The following MOV10 variants were observed in gnomAD, a reference collection of about 807,000 sequenced individuals.
MOV10 encodes the protein Mov10 RNA helicase, also known as RNA helicase MOV-10.
A neutral mutation model predicts 108.4 loss-of-function variants in MOV10; 39 were observed. That is an observed-to-expected ratio of 0.36 (90% CI 0.28 to 0.47). The LOEUF (loss-of-function observed/expected upper bound fraction) is 0.47, where lower values mean the gene tolerates loss of function less well. Ranked by LOEUF, MOV10 falls within the 20% of genes least tolerant of loss-of-function variation. The pLI, the probability that MOV10 is intolerant of heterozygous loss-of-function variation, is 1.00. For synonymous variants in MOV10, 490 were observed against 523.1 expected, an observed-to-expected ratio of 0.94 and a Z score of 0.86; for missense variants, 952 against 1,297.6, an observed-to-expected ratio of 0.73 and a Z score of 4.09.
intron 2 of MOV10, among the ~76,000 whole-genome samples, chr1:112,678,651 A>G (rs2101248335): frequency 6.6e-6 from 1 of 152,166 alleles, no homozygotes; most frequent in Admixed American, 6.5e-5. Flanking sequence ...GTAAAGGGCA[A>G]GGGTAGAGTG....
chr1:112,680,466 C>G (rs986983499), intron 2 of MOV10, among the ~76,000 whole-genome samples: 3 of 151,682 alleles, frequency 2.0e-5, no homozygotes, highest in African/African-American at 7.3e-5. Flanking sequence ...ACCATCCTGG[C>G]TAACACGGTG....
intron 5 of MOV10, among the ~76,000 whole-genome samples, chr1:112,690,576 T>A (rs1051514213): frequency 6.6e-6 from 1 of 152,082 alleles, no homozygotes; most frequent in African/African-American, 2.4e-5. Flanking sequence ...GCCAGGCTGG[T>A]CTCGAACTCC....
intron 2 of MOV10, among the ~76,000 whole-genome samples, chr1:112,680,918 G>T (rs1218534188): frequency 6.6e-6 from 1 of 151,480 alleles, no homozygotes; most frequent in African/African-American, 2.4e-5. Flanking sequence ...GGTCAGGCTG[G>T]TCTTGAATTC....
At chr1:112,699,398 A>G (rs551281138) in intron 17 of MOV10, 158 of 1,133,914 alleles carry the variant, frequency 1.4e-4, no homozygotes, top group Non-Finnish European at 1.7e-4. Context: ...TTTTCAGGAA[A>G]GTTTGAAAGT....
Position 112,694,598 on chromosome 1 carries a change from G to T in MOV10, c.1441G>T (p.Val481Phe), listed in dbSNP as rs112768939. Residue 481 changes from valine to phenylalanine, a missense_variant, in exon 9 of 21, where the codon GTC (valine) becomes TTC (phenylalanine). By Grantham distance (50) the Val-to-Phe change is conservative (BLOSUM62 -1). Transcript: ENST00000369645. This position sits in a 1 kb window ranked among gnomAD's most constrained non-coding sequence, Gnocchi z 4.1. ...PMLFPVAPRD[V>F]PLLPSDVKLK... ...GCTCTTTCCTGTGGCACCTCGGGAC[G>T]TCCCGCTGCTGCCCTCAGATGTGAA... The T allele has an allele frequency of 1.9e-6, 3 of 1,610,062 alleles. No homozygotes were observed. Among genetic ancestry groups the T allele is most frequent in the African/African-American group, 2.7e-5 (2 of 74,860 alleles).
intron 2 of MOV10, among the ~76,000 whole-genome samples, chr1:112,683,842 C>A (rs1672855249): frequency 6.6e-6 from 1 of 152,294 alleles, no homozygotes; most frequent in Middle Eastern, 3.4e-3. Flanking sequence ...AGTAAGTATC[C>A]TTGCACATAT....
chr1:112,688,570 G>A, intron 2 of MOV10: 2 of 1,151,700 alleles, frequency 1.7e-6, no homozygotes, highest in East Asian at 5.6e-5. Flanking sequence ...TGGGTTGTTT[G>A]TATTTTCTTT....
chr1:112,690,667 C>T (rs2101357818), intron 5 of MOV10, among the ~76,000 whole-genome samples: 1 of 152,264 alleles, frequency 6.6e-6, no homozygotes, highest in African/African-American at 2.4e-5. Flanking sequence ...GCCAACATCT[C>T]TGTTTTTTTA....
At position 112,674,947 on chromosome 1, in the gene MOV10, A is replaced by C. The variant is rs750261841; in HGVS notation, c.35A>C (p.Glu12Ala). The C allele has an allele frequency of 1.9e-4, 298 of 1,583,058 alleles. No individual in the cohort carries two copies. Among genetic ancestry groups the C allele is most frequent in the Non-Finnish European group, 2.4e-4 (280 of 1,165,746 alleles). Reference protein sequence around the residue: ...PSKFSCRQLREAGQCFESFLV... With the variant: ...PSKFSCRQLRAAGQCFESFLV... ...AAGTTCAGCTGCCGGCAGCTCCGGGAGGCGGGCCAGTGTTTCGAGAGTTTC... is the reference window on the plus strand; with the variant it reads ...AAGTTCAGCTGCCGGCAGCTCCGGGCGGCGGGCCAGTGTTTCGAGAGTTTC... The change falls in exon 2 of 21, where the codon GAG becomes GCG. Residue 12 changes from glutamate to alanine, a missense_variant. Glu to Ala is a moderately radical substitution (Grantham distance 107, BLOSUM62 -1). Transcript: ENST00000369645.
At chr1:112,691,878 C>T in intron 6 of MOV10, 79 bp downstream of exon 6, 3 of 1,482,856 alleles carry the variant, frequency 2.0e-6, no homozygotes, top group Middle Eastern at 1.8e-4. Flanking sequence ...GCACCTCCGT[C>T]CTCAGCCTCC....
intron 5 of MOV10, among the ~76,000 whole-genome samples, chr1:112,690,914 T>C (rs1402021372): frequency 6.6e-6 from 1 of 152,214 alleles, no homozygotes; most frequent in East Asian, 1.9e-4. Context: ...ATACTTCATA[T>C]GGATGGAAGC....
At chr1:112,688,388 A>G in intron 2 of MOV10, 1 of 995,536 alleles carries the variant, frequency 1.0e-6, no homozygotes, top group Non-Finnish European at 1.2e-6. Context: ...CTTGGGTTCC[A>G]CCTGCACCCT....
chr1:112,678,832 G>A (rs1000374387), intron 2 of MOV10, among the ~76,000 whole-genome samples: 4 of 152,004 alleles, frequency 2.6e-5, no homozygotes, highest in African/African-American at 9.7e-5. Flanking sequence ...GATTTAGAAA[G>A]ATCATTCTGG....
Position 112,699,883 on chromosome 1 carries a change from C to G in MOV10, c.2710-11C>G, listed in dbSNP as rs760211379. ...CTTCCCTCCCATGACCACACCACTTCTTCCTTCCAGAGGTTCAATGTAGCT... is the reference window on the plus strand; with the variant it reads ...CTTCCCTCCCATGACCACACCACTTGTTCCTTCCAGAGGTTCAATGTAGCT... On this transcript the variant is annotated splice_polypyrimidine_tract_variant and intron_variant, in intron 18 of 20. Transcript: ENST00000369645. 12 of 1,614,040 alleles carry G rather than the reference C, an allele frequency of 7.4e-6. No individual in the cohort carries two copies. Among genetic ancestry groups the G allele is most frequent in the Non-Finnish European group, 9.3e-6 (11 of 1,180,018 alleles).
chr1:112,675,182 G>A lies in MOV10; in HGVS notation c.137+133G>A. 9.6e-7 allele frequency: 1 copy of A among 1,044,274 alleles called. No individual in the cohort carries two copies. The highest frequency in any genetic ancestry group is 1.8e-5 in the South Asian group (1 of 55,048). The allele number at this position is 1,044,274 out of a possible 1,614,324, so 64.7% of individuals were successfully genotyped here. On this transcript the variant is annotated intron_variant, in intron 2 of 20. Coordinates refer to ENST00000369645, the MANE Select transcript of MOV10 (RefSeq NM_001321324.2). The surrounding 1 kb of genome is among the most constrained non-coding windows in gnomAD (Gnocchi z 4.7). ...CCCAGCGGCTCAGGCCAGTCCCGGG[G>A]CGGCGCAGACCTCCCCTCCCGCGCC...
Position 112,700,624 on chromosome 1 carries a change from C to T in MOV10, c.*117C>T. 1 of 1,548,078 alleles carries T rather than the reference C, an allele frequency of 6.5e-7. No homozygotes were observed. The highest frequency in any genetic ancestry group is 8.7e-7 in the Non-Finnish European group (1 of 1,147,178). On this transcript the variant is annotated 3_prime_UTR_variant, in exon 21 of 21. Coordinates refer to ENST00000369645, the MANE Select transcript of MOV10 (RefSeq NM_001321324.2). ...CAGGAAGGCTGGGGGAGGGAGTTTA[C>T]AACCCAAGCCATTCCACCCCCTCCC... is the stretch of plus-strand genomic sequence containing the variant.
chr1:112,696,142 C>T lies in MOV10; in HGVS notation c.1780-6C>T, dbSNP rs767126671. 3 of 1,606,574 alleles carry T rather than the reference C, an allele frequency of 1.9e-6. No homozygotes were observed. Among genetic ancestry groups the T allele is most frequent in the Non-Finnish European group, 2.6e-6 (3 of 1,174,708 alleles). On this transcript the variant is annotated splice_polypyrimidine_tract_variant and splice_region_variant and intron_variant, in intron 11 of 20. Coordinates refer to ENST00000369645, the MANE Select transcript of MOV10 (RefSeq NM_001321324.2). ...CTGATTCCTCTGGTCCCTTCACAAT[C>T]CACAGCCCTGCTGCAACTGGGACGC...
chr1:112,680,872 T>C (rs1672596528), intron 2 of MOV10, among the ~76,000 whole-genome samples: 1 of 151,542 alleles, frequency 6.6e-6, no homozygotes, highest in Admixed American at 6.6e-5. Context: ...CTGGCTAATT[T>C]TTGTATTTTT....
chr1:112,688,617 A>G (rs1333639165), intron 2 of MOV10: 1 of 1,244,052 alleles, frequency 8.0e-7, no homozygotes, highest in African/African-American at 1.5e-5. Flanking sequence ...AAAGAACTTT[A>G]TGTCTTTCTC....
Sources: allele counts gnomAD v4.1 joint callset (sites outside exome capture counted in the v4.1 genomes callset), GRCh38; gene constraint gnomAD v4.1.1; non-coding constraint Gnocchi (gnomAD v3.1); transcripts MANE v1.5; gene names NCBI Gene and HGNC (gene_info 2026-07-23, HGNC 2026-07-21).